The following PLXDC2 variants were observed in gnomAD, a reference collection of about 807,000 sequenced individuals.
PLXDC2 encodes plexin domain-containing protein 2.
PLXDC2 carries 40 observed loss-of-function variants against 68.9 expected under a neutral mutation model. That is an observed-to-expected ratio of 0.58 (90% CI 0.45 to 0.76). The LOEUF (loss-of-function observed/expected upper bound fraction) is 0.76. Among genes scored for constraint, PLXDC2 ranks in the 30% least tolerant of loss-of-function variants. The probability of loss-of-function intolerance (pLI) is 0.00; values close to 1 mark genes in which losing one functional copy is unlikely to be tolerated. For synonymous variants in PLXDC2, 243 were observed against 234.2 expected (o/e 1.04, Z -0.34); for missense variants, 644 against 661.9 (o/e 0.97, Z 0.30).
intron 1 of PLXDC2, among the ~76,000 whole-genome samples, chr10:19,864,271 G>A (rs1372296422): frequency 6.6e-6 from 1 of 152,126 alleles, no homozygotes; most frequent in Non-Finnish European, 1.5e-5. Context: ...CTCCCAAAGA[G>A]CTGGGATTAT....
rs548842787 is a variant in PLXDC2 at position 20,232,886 on chromosome 10, C to T, written c.1313-12459C>T. On this transcript the variant is annotated intron_variant, in intron 12 of 13. Coordinates refer to ENST00000377252, the MANE Select transcript of PLXDC2 (RefSeq NM_032812.9). ...TGCATTTCAAATATGCAAATTTGGC[C>T]TCTGTAAAAGTAAAAAAAGAAGAAA... Among the ~76,000 whole-genome samples, 4 of 151,786 alleles carry T rather than the reference C, an allele frequency of 2.6e-5. No homozygotes were observed. In the East Asian group the frequency reaches 7.7e-4, roughly 29 times the overall value.
At chr10:19,881,198 C>T (rs1490122700) in intron 1 of PLXDC2, among the ~76,000 whole-genome samples, 3 of 152,112 alleles carry the variant, frequency 2.0e-5, no homozygotes, top group African/African-American at 4.8e-5. Context: ...CTACTGCAAC[C>T]TCTGCCTCCC....
intron 1 of PLXDC2, among the ~76,000 whole-genome samples, chr10:19,868,675 AT>A (rs896874796): frequency 1.3e-5 from 2 of 152,124 alleles, no homozygotes; most frequent in African/African-American, 4.8e-5. Context: ...TATTCTGTTG[AT>A]TTATTTTCAA....
chr10:19,818,227 GGTGTGTGTGTGTGT>G (rs749435110), intron 1 of PLXDC2, among the ~76,000 whole-genome samples: 223 of 137,610 alleles, frequency 1.6e-3, no homozygotes, highest in Non-Finnish European at 2.7e-3. Context: ...GTTCTTTTCT[GGTGTGTGTGTGTGT>G]GTGTGTGTGT....
At chr10:20,075,985 C>T (rs762520237) in intron 4 of PLXDC2, among the ~76,000 whole-genome samples, 3 of 152,202 alleles carry the variant, frequency 2.0e-5, no homozygotes, top group Admixed American at 6.5e-5. Context: ...ATTGGAAACA[C>T]TGGCAATGAT....
intron 12 of PLXDC2, among the ~76,000 whole-genome samples, chr10:20,244,464 G>C (rs753854755): frequency 5.9e-5 from 9 of 152,168 alleles, no homozygotes; most frequent in Non-Finnish European, 1.3e-4. Flanking sequence ...GTTTTCCTTT[G>C]CTGTGGCGCT....
intron 1 of PLXDC2, among the ~76,000 whole-genome samples, chr10:19,820,379 C>G (rs1048656445): frequency 1.5e-4 from 23 of 152,116 alleles, no homozygotes; most frequent in South Asian, 2.1e-4. Flanking sequence ...CGCCTGTAAT[C>G]CCAGCACTTT....
rs190436210 is a variant in PLXDC2, at chr10:20,082,486, A to G, written c.541+14247A>G. Among the ~76,000 whole-genome samples, 66 of 142,974 alleles carry G rather than the reference A, an allele frequency of 4.6e-4. 1 individual carries two copies. The highest frequency in any genetic ancestry group is 1.7e-3 in the African/African-American group (61 of 35,648). 93.8% of individuals were successfully genotyped at this position (142,974 alleles called of 152,430 possible). ...TTACACATATTAAATAATACATAAT[A>G]TCACTCCTAATAAGTGAAATGCAAG... On this transcript the variant is annotated intron_variant, in intron 4 of 13. Transcript: ENST00000377252.
At chr10:20,091,377 T>C (rs1377931238) in intron 4 of PLXDC2, among the ~76,000 whole-genome samples, 2 of 152,240 alleles carry the variant, frequency 1.3e-5, no homozygotes, top group Non-Finnish European at 2.9e-5. Flanking sequence ...TGAACAGTTA[T>C]ACATCTAAAT....
intron 1 of PLXDC2, among the ~76,000 whole-genome samples, chr10:19,835,930 G>T (rs1489934730): frequency 2.0e-5 from 3 of 152,116 alleles, no homozygotes; most frequent in East Asian, 1.9e-4. Context: ...TCAGCACTTT[G>T]GGGGGCTGAC....
chr10:20,078,031 A>T (rs1301648336), intron 4 of PLXDC2, among the ~76,000 whole-genome samples: 1 of 152,122 alleles, frequency 6.6e-6, no homozygotes, highest in Non-Finnish European at 1.5e-5. Flanking sequence ...TATTTTTCAA[A>T]TCTTTACTCC....
intron 9 of PLXDC2, among the ~76,000 whole-genome samples, chr10:20,179,104 T>C (rs1834567252): frequency 6.6e-6 from 1 of 152,072 alleles, no homozygotes; most frequent in South Asian, 2.1e-4. Flanking sequence ...AGCTCAGAAA[T>C]GGAAAATGTC....
chr10:20,104,919 C>T (rs1047599186), intron 4 of PLXDC2, among the ~76,000 whole-genome samples: 8 of 151,722 alleles, frequency 5.3e-5, no homozygotes, highest in Non-Finnish European at 1.0e-4. Flanking sequence ...GGGGTGGTGG[C>T]GTGTGCCTGT....
At chr10:20,266,969 T>G (rs1835879507) in intron 13 of PLXDC2, among the ~76,000 whole-genome samples, 1 of 152,098 alleles carries the variant, frequency 6.6e-6, no homozygotes, top group Non-Finnish European at 1.5e-5. Context: ...GCAGAGAACT[T>G]AAGGAAACAT....
chr10:20,278,310 T>C (rs1031018049), intron 13 of PLXDC2, among the ~76,000 whole-genome samples: 6 of 152,130 alleles, frequency 3.9e-5, no homozygotes, highest in African/African-American at 1.4e-4. Flanking sequence ...AAACCAGAGT[T>C]GGGGCTATAA....
chr10:20,249,962 A>C (rs947326815), intron 13 of PLXDC2, among the ~76,000 whole-genome samples: 1 of 152,112 alleles, frequency 6.6e-6, no homozygotes, highest in Non-Finnish European at 1.5e-5. Flanking sequence ...AGCGTATATA[A>C]TATGGTGAAA....
intron 2 of PLXDC2, among the ~76,000 whole-genome samples, chr10:20,022,191 A>T (rs1264331298): frequency 6.6e-6 from 1 of 152,212 alleles, no homozygotes; most frequent in Non-Finnish European, 1.5e-5. Flanking sequence ...TAAAGCAATA[A>T]GGTTCCTAGA....
At chr10:19,857,080 A>G (rs1326187400) in intron 1 of PLXDC2, among the ~76,000 whole-genome samples, 1 of 152,208 alleles carries the variant, frequency 6.6e-6, no homozygotes, top group Non-Finnish European at 1.5e-5. Context: ...ATTTTATTAA[A>G]CTTTCACAAG....
chr10:20,077,268 C>T (rs1259136578), intron 4 of PLXDC2, among the ~76,000 whole-genome samples: 1 of 152,080 alleles, frequency 6.6e-6, no homozygotes, highest in Admixed American at 6.6e-5. Flanking sequence ...GACATTTTGC[C>T]TTTGAACTGG....
Sources: allele counts gnomAD v4.1 joint callset (sites outside exome capture counted in the v4.1 genomes callset), GRCh38; gene constraint gnomAD v4.1.1; transcripts MANE v1.5; gene names NCBI Gene and HGNC (gene_info 2026-07-23, HGNC 2026-07-21).